Variants in CTNND2 observed in about 807,000 individuals in gnomAD.
CTNND2 encodes catenin delta 2, also known as catenin delta-2.
In CTNND2, 22 loss-of-function variants were observed where a neutral mutation model predicts 144.4. The observed-to-expected ratio is 0.15, with a 90% CI of 0.11 to 0.22. CTNND2 has a LOEUF of 0.22. Ranked by LOEUF, CTNND2 falls within the 10% of genes least tolerant of loss-of-function variation. CTNND2 has a pLI of 1.00. For missense variants in CTNND2, 1,353 were observed against 1,618.8 expected (o/e 0.84, Z 2.82); for synonymous variants, 751 against 695.6 (o/e 1.08, Z -1.25).
At chr5:11,475,453 C>A (rs1479952750) in intron 3 of CTNND2, among the ~76,000 whole-genome samples, 1 of 152,166 alleles carries the variant, frequency 6.6e-6, no homozygotes, top group Non-Finnish European at 1.5e-5. Context: ...TTATTATGTA[C>A]CTAATTTGAG....
chr5:11,781,814 G>A (rs1392794910), intron 1 of CTNND2, among the ~76,000 whole-genome samples: 1 of 152,062 alleles, frequency 6.6e-6, no homozygotes, highest in Non-Finnish European at 1.5e-5. Context: ...GTGTATTTTG[G>A]ACCTACCATC....
At chr5:11,008,928 C>T (rs908493593) in intron 18 of CTNND2, among the ~76,000 whole-genome samples, 2 of 152,290 alleles carry the variant, frequency 1.3e-5, no homozygotes, top group South Asian at 4.2e-4. Flanking sequence ...CGGGGCAATA[C>T]AGAGATTCAG....
chr5:11,790,217 T>G (rs560977218), intron 1 of CTNND2, among the ~76,000 whole-genome samples: 2 of 152,316 alleles, frequency 1.3e-5, no homozygotes, highest in East Asian at 3.9e-4. Context: ...AAAATAAACT[T>G]TTTTTGGTTA....
chr5:11,062,517 C>A (rs1747110115), intron 16 of CTNND2, among the ~76,000 whole-genome samples: 1 of 152,228 alleles, frequency 6.6e-6, no homozygotes. Flanking sequence ...TGGGGAACTG[C>A]AGCTCAAAAA....
At chr5:11,300,730 C>G (rs141780704) in intron 9 of CTNND2, among the ~76,000 whole-genome samples, 2,161 of 151,920 alleles carry the variant, frequency 0.014, 51 homozygotes, top group African/African-American at 0.05. Context: ...TGTGGCTGGA[C>G]ATCTTGTATT....
At chr5:11,269,965 CAATT>C (rs1019583569) in intron 9 of CTNND2, among the ~76,000 whole-genome samples, 1 of 152,114 alleles carries the variant, frequency 6.6e-6, no homozygotes, top group African/African-American at 2.4e-5. Flanking sequence ...AATCACATGA[CAATT>C]ATTTTTCAAA....
Position 11,082,924 on chromosome 5 carries a change from G to A in CTNND2, c.2638-78C>T, listed in dbSNP as rs61757064. The A allele has an allele frequency of 9.6e-4, 1,464 of 1,531,934 alleles. 13 individuals carry two copies. The African/African-American group carries it at 0.017, about 18-fold the overall frequency. 94.9% of individuals were successfully genotyped at this position (1,531,934 alleles called of 1,614,324 possible). A position where few individuals can be genotyped will look rare whatever the true frequency, so the allele number is the denominator to read the frequency against. On this transcript the variant is annotated intron_variant, in intron 15 of 21. Transcript: ENST00000304623. ...GCAAATAGTACATTTGCGTTTTCAG[G>A]CGGCTGCTTACAGGAGCCAAAAAGG...
intron 3 of CTNND2, among the ~76,000 whole-genome samples, chr5:11,444,075 G>T (rs1764579828): frequency 6.6e-6 from 1 of 152,192 alleles, no homozygotes; most frequent in Admixed American, 6.5e-5. Flanking sequence ...CTGGGAAGAA[G>T]CTAAGTGGGC....
intron 3 of CTNND2, among the ~76,000 whole-genome samples, chr5:11,455,785 G>T (rs1193157374): frequency 6.6e-6 from 1 of 151,144 alleles, no homozygotes; most frequent in Admixed American, 6.6e-5. Context: ...ATAAAAGAAG[G>T]TTTTTTTTTC....
At chr5:11,760,454 T>C (rs976999844) in intron 1 of CTNND2, among the ~76,000 whole-genome samples, 6 of 152,198 alleles carry the variant, frequency 3.9e-5, no homozygotes, top group African/African-American at 1.4e-4. Context: ...TGTAAGACAA[T>C]GAGACATAAC....
At chr5:11,167,436 C>A (rs757298144) in intron 11 of CTNND2, among the ~76,000 whole-genome samples, 1 of 152,194 alleles carries the variant, frequency 6.6e-6, no homozygotes, top group Non-Finnish European at 1.5e-5. Context: ...TAATTCAGAT[C>A]TTTGCTGTTG....
intron 3 of CTNND2, among the ~76,000 whole-genome samples, chr5:11,533,881 C>T (rs1022378411): frequency 6.6e-6 from 1 of 152,284 alleles, no homozygotes; most frequent in African/African-American, 2.4e-5. Flanking sequence ...GATGCCAGGG[C>T]TTAGTGATCT....
intron 10 of CTNND2, among the ~76,000 whole-genome samples, chr5:11,209,003 G>A (rs575069787): frequency 1.4e-4 from 21 of 152,078 alleles, no homozygotes; most frequent in African/African-American, 4.6e-4. Context: ...TACCAAAGAG[G>A]TAAAGAATCA....
intron 12 of CTNND2, among the ~76,000 whole-genome samples, chr5:11,142,102 T>C (rs1289979747): frequency 1.3e-5 from 2 of 152,146 alleles, no homozygotes; most frequent in African/African-American, 4.8e-5. Flanking sequence ...AGCCTCCAGA[T>C]ACGTAAGAAA....
At chr5:11,855,324 A>G (rs911322835) in intron 1 of CTNND2, among the ~76,000 whole-genome samples, 1 of 152,156 alleles carries the variant, frequency 6.6e-6, no homozygotes, top group Non-Finnish European at 1.5e-5. Flanking sequence ...TGTGTGTATA[A>G]CCTTGGACCA....
intron 3 of CTNND2, among the ~76,000 whole-genome samples, chr5:11,415,523 T>G (rs1029694664): frequency 2.0e-5 from 3 of 152,112 alleles, no homozygotes; most frequent in African/African-American, 7.2e-5. Context: ...GGAAGATTCT[T>G]TGAGTCCAGG....
chr5:11,448,317 A>T (rs142624230), intron 3 of CTNND2, among the ~76,000 whole-genome samples: 242 of 152,358 alleles, frequency 1.6e-3, no homozygotes, highest in African/African-American at 5.2e-3. Context: ...TAAATTGTTT[A>T]AAAATTTAGT....
chr5:11,506,913 G>A (rs979897389), intron 3 of CTNND2, among the ~76,000 whole-genome samples: 5 of 152,142 alleles, frequency 3.3e-5, no homozygotes, highest in African/African-American at 7.2e-5. Context: ...CAGCTTTAGC[G>A]ATGCGACTGG....
chr5:11,702,248 T>G (rs1018366119), intron 2 of CTNND2, among the ~76,000 whole-genome samples: 1 of 152,194 alleles, frequency 6.6e-6, no homozygotes, highest in Non-Finnish European at 1.5e-5. Context: ...GTTTGTTACA[T>G]AGCATACTTG....
Sources: allele counts gnomAD v4.1 joint callset (sites outside exome capture counted in the v4.1 genomes callset), GRCh38; gene constraint gnomAD v4.1.1; transcripts MANE v1.5; gene names NCBI Gene and HGNC (gene_info 2026-07-23, HGNC 2026-07-21).